Variants in BBIP1 observed in about 807,000 individuals in gnomAD.
BBIP1 encodes BBSome interacting protein 1, also known as BBSome-interacting protein 1.
BBIP1 carries 6 observed loss-of-function variants against 8.9 expected under a neutral mutation model. The ratio of observed to expected loss-of-function variants is 0.67; its 90% CI spans 0.37 to 1.33. The LOEUF is 1.33. Among genes scored for constraint, BBIP1 ranks in the 40% most tolerant of loss-of-function variants. BBIP1 has a pLI of 0.02. For synonymous variants in BBIP1, 32 were observed against 33.4 expected, an observed-to-expected ratio of 0.96 and a Z score of 0.14; for missense variants, 111 against 109.2, an observed-to-expected ratio of 1.02 and a Z score of -0.07.
chr10:110,900,169 T>C lies in BBIP1; in HGVS notation c.*191A>G, dbSNP rs890847029. On this transcript the variant is annotated 3_prime_UTR_variant, in exon 4 of 4. Transcript: ENST00000448814. ...AAACTTGGTTCATAGTTTAACTGTT[T>C]ATGTTCAATACAAACCAGAGTGTTT... is the stretch of plus-strand genomic sequence containing the variant. 1 of 537,230 alleles carries C rather than the reference T, an allele frequency of 1.9e-6. No individual in the cohort carries two copies. Among genetic ancestry groups the C allele is most frequent in the Middle Eastern group, 5.1e-4 (1 of 1,964 alleles). 33.3% of individuals were successfully genotyped at this position (537,230 alleles called of 1,614,324 possible). A position where few individuals can be genotyped will look rare whatever the true frequency, so the allele number is the denominator to read the frequency against.
intron 2 of BBIP1, among the ~76,000 whole-genome samples, chr10:110,913,300 G>A (rs1352153188): frequency 6.6e-6 from 1 of 152,204 alleles, no homozygotes; most frequent in Admixed American, 6.5e-5. Flanking sequence ...TAGAAATACA[G>A]TATGACATTT....
At chr10:110,904,121 A>G (rs1846073643) in intron 2 of BBIP1, 1 of 152,232 alleles carries the variant, frequency 6.6e-6, no homozygotes, top group Non-Finnish European at 1.5e-5. Flanking sequence ...TACTTTTAAG[A>G]GAACTTTCTT....
At chr10:110,909,386 G>A (rs1261133487) in intron 2 of BBIP1, among the ~76,000 whole-genome samples, 2 of 152,034 alleles carry the variant, frequency 1.3e-5, no homozygotes, top group East Asian at 3.9e-4. Context: ...AGTAGAGATG[G>A]GGTTTCATCA....
chr10:110,900,504 T>TA lies in BBIP1; in HGVS notation c.134dup (p.Met46AsnfsTer7). The TA allele has an allele frequency of 2.0e-6, 3 of 1,532,664 alleles. No individual in the cohort carries two copies. 94.9% of individuals were successfully genotyped at this position (1,532,664 alleles called of 1,614,324 possible). On this transcript the variant is annotated frameshift_variant, in exon 4 of 4. Coordinates refer to ENST00000448814, the MANE Select transcript of BBIP1 (RefSeq NM_001195305.3). LOFTEE classifies it high-confidence loss of function. ...TGGGTTTACACAGCACCATTGTCAT[T>TA]ATATCTTCCACAAACAGTGGCCCTA...
At chr10:110,913,562 T>C (rs1185415082) in intron 2 of BBIP1, among the ~76,000 whole-genome samples, 1 of 152,198 alleles carries the variant, frequency 6.6e-6, no homozygotes, top group African/African-American at 2.4e-5. Context: ...TATTTCATAA[T>C]AGAACTCAAA....
At chr10:110,904,224 T>C (rs1335237156) in intron 2 of BBIP1, 2 of 151,754 alleles carry the variant, frequency 1.3e-5, no homozygotes, top group Non-Finnish European at 2.9e-5. Flanking sequence ...ACAATTGCCA[T>C]GGCCATTTAA....
rs1059881 is a variant in BBIP1, at chr10:110,900,009, T to C, written c.*351A>G. The C allele has an allele frequency of 5.5e-6, 1 of 181,726 alleles. No individual in the cohort carries two copies. The highest frequency in any genetic ancestry group is 1.8e-4 in the South Asian group (1 of 5,410). The allele number at this position is 181,726 out of a possible 1,614,324, so 11.3% of individuals were successfully genotyped here. A position where few individuals can be genotyped will look rare whatever the true frequency, so the allele number is the denominator to read the frequency against. The stretch of plus-strand genomic sequence containing the variant: ...TAAACATGTAAAGATCCTCTGTATA[T>C]AAAAGTTGTATTTAATCCCTTGTGC... On this transcript the variant is annotated 3_prime_UTR_variant, in exon 4 of 4. Transcript: ENST00000448814.
At chr10:110,906,930 C>T (rs571548975) in intron 2 of BBIP1, 8 of 152,302 alleles carry the variant, frequency 5.3e-5, no homozygotes, top group African/African-American at 1.2e-4. Flanking sequence ...TTTGAACTTA[C>T]GTTATATGCT....
At chr10:110,909,359 T>A (rs1242830568) in intron 2 of BBIP1, among the ~76,000 whole-genome samples, 5 of 152,070 alleles carry the variant, frequency 3.3e-5, no homozygotes, top group African/African-American at 1.2e-4. Flanking sequence ...CACACCCAGC[T>A]AATTTTTTGT....
intron 2 of BBIP1, among the ~76,000 whole-genome samples, chr10:110,912,489 C>T (rs1846302348): frequency 6.6e-6 from 1 of 152,182 alleles, no homozygotes; most frequent in African/African-American, 2.4e-5. Flanking sequence ...CTTTAGACTG[C>T]ACCTATTTTC....
intron 2 of BBIP1, 90 bp downstream of exon 2, chr10:110,918,031 G>T: frequency 8.7e-7 from 1 of 1,154,550 alleles, no homozygotes; most frequent in Non-Finnish European, 1.2e-6. Flanking sequence ...TGGCTGGCGT[G>T]TAAGTACTAA....
intron 2 of BBIP1, among the ~76,000 whole-genome samples, chr10:110,905,675 A>C (rs930887421): frequency 6.6e-6 from 1 of 152,142 alleles, no homozygotes; most frequent in Non-Finnish European, 1.5e-5. Context: ...AACTTGGAGA[A>C]TGTATTATTA....
intron 3 of BBIP1, chr10:110,900,912 TCTTA>T (rs1423379751): frequency 4.6e-6 from 1 of 218,566 alleles, no homozygotes; most frequent in Admixed American, 5.6e-5. Context: ...CTTCGGCTTT[TCTTA>T]CTGTTGCTTC....
chr10:110,909,163 A>G (rs1436593138), intron 2 of BBIP1, among the ~76,000 whole-genome samples: 1 of 152,160 alleles, frequency 6.6e-6, no homozygotes, highest in Non-Finnish European at 1.5e-5. Context: ...TTCAAACTGT[A>G]AAGACTAAGA....
At position 110,900,440 on chromosome 10, in the gene BBIP1, C is replaced by G. The variant is rs1845962614; in HGVS notation, c.199G>C (p.Glu67Gln). Reference sequence around the variant, plus strand: ...TTCTGTGCTGCTTGATGCATTTTCTCTAGTTTTTCCAGAGTCAGAGATTTT... The same window carrying G: ...TTCTGTGCTGCTTGATGCATTTTCTGTAGTTTTTCCAGAGTCAGAGATTTT... ...PLKSLTLEKLEKMHQAAQNTI... is the reference protein window; with the variant it reads ...PLKSLTLEKLQKMHQAAQNTI... The change falls in exon 4 of 4, where the codon GAG becomes CAG. Residue 67 changes from glutamate to glutamine, a missense_variant. By Grantham distance (29) the Glu-to-Gln change is conservative. Transcript: ENST00000448814. 2 of 1,535,886 alleles carry G rather than the reference C, an allele frequency of 1.3e-6. No individual in the cohort carries two copies. The highest frequency in any genetic ancestry group is 1.7e-6 in the Non-Finnish European group (2 of 1,146,798).
chr10:110,904,688 A>T (rs1000881103), intron 2 of BBIP1: 13 of 152,250 alleles, frequency 8.5e-5, no homozygotes, highest in African/African-American at 3.1e-4. Context: ...AAGAACACAA[A>T]TGTGTAAAAA....
Position 110,918,112 on chromosome 10 carries a change from C to G in BBIP1, c.37+9G>C, listed in dbSNP as rs1846470532. 2.6e-6 allele frequency: 4 copies of G among 1,535,344 alleles called. No homozygotes were observed. The Middle Eastern group carries it at 5.0e-4, about 192-fold the overall frequency. ...TGACTGGCTGGATATTAACCATTTT[C>G]AATTTTACCTGAAAGTTCTGGTCTT... is the stretch of plus-strand genomic sequence containing the variant. On this transcript the variant is annotated intron_variant, in intron 2 of 3. Transcript: ENST00000448814.
At chr10:110,910,041 A>G (rs1365212648) in intron 2 of BBIP1, among the ~76,000 whole-genome samples, 1 of 152,206 alleles carries the variant, frequency 6.6e-6, no homozygotes, top group African/African-American at 2.4e-5. Flanking sequence ...ATGTACTTTA[A>G]TAAAAGCATG....
At chr10:110,916,217 T>C (rs1846397776) in intron 2 of BBIP1, among the ~76,000 whole-genome samples, 1 of 152,252 alleles carries the variant, frequency 6.6e-6, no homozygotes, top group African/African-American at 2.4e-5. Flanking sequence ...TAATTTTCAA[T>C]ATGATGGCTA....
Sources: gnomAD v4.1 joint callset for allele counts (sites outside exome capture counted in the v4.1 genomes callset) on GRCh38, gnomAD v4.1.1 for gene constraint, MANE v1.5 for transcripts, NCBI Gene and HGNC (gene_info 2026-07-23, HGNC 2026-07-21) for gene names.